The following NRG1 variants were observed in gnomAD, a reference collection of about 807,000 sequenced individuals.
The protein encoded by NRG1 is pro-neuregulin-1, membrane-bound isoform.
A neutral mutation model predicts 63.8 loss-of-function variants in NRG1; 18 were observed. The observed-to-expected ratio is 0.28, with a 90% CI of 0.19 to 0.42. The LOEUF (loss-of-function observed/expected upper bound fraction) is 0.42. Ranked by LOEUF, NRG1 falls within the 10% of genes least tolerant of loss-of-function variation. NRG1 has a pLI of 1.00. For synonymous variants in NRG1, 302 were observed against 301.3 expected (o/e 1.00, Z -0.02); for missense variants, 762 against 814.7 (o/e 0.94, Z 0.79).
intron 1 of NRG1, among the ~76,000 whole-genome samples, chr8:32,530,504 ATTAAG>A (rs1397118869): frequency 2.6e-5 from 4 of 152,172 alleles, no homozygotes; most frequent in African/African-American, 7.2e-5. Context: ...CCAATAATAA[ATTAAG>A]TTGTTTGATT....
At chr8:32,761,763 G>T (rs1830711807) in intron 11 of NRG1, among the ~76,000 whole-genome samples, 2 of 151,856 alleles carry the variant, frequency 1.3e-5, no homozygotes, top group African/African-American at 4.8e-5. Flanking sequence ...ATGACAGGCT[G>T]GGCACGGTGG....
intron 1 of NRG1, among the ~76,000 whole-genome samples, chr8:32,579,711 G>C (rs1840307227): frequency 6.6e-6 from 1 of 152,088 alleles, no homozygotes; most frequent in South Asian, 2.1e-4. Context: ...ATTTCTCCTT[G>C]GGAACTGTAT....
At chr8:32,202,865 G>C (rs533595097) in intron 1 of NRG1, among the ~76,000 whole-genome samples, 1 of 151,280 alleles carries the variant, frequency 6.6e-6, no homozygotes, top group African/African-American at 2.4e-5. Context: ...GCACACGATA[G>C]GGGGTTGCAG....
chr8:31,882,256 T>G lies in NRG1; in HGVS notation c.37+242825T>G, dbSNP rs1203008471. Among the ~76,000 whole-genome samples the G allele has an allele frequency of 2.1e-5, 3 of 146,098 alleles. No individual in the cohort carries two copies. The East Asian group carries it at 6.0e-4, about 29-fold the overall frequency. On this transcript the variant is annotated intron_variant, in intron 1 of 10. Transcript: ENST00000519301. ...TATAAATAGAACAACTAAGCCTGGA[T>G]GCCAGCACATCTGTTTATAGCATGA...
At chr8:32,273,980 A>C (rs1851817660) in intron 1 of NRG1, among the ~76,000 whole-genome samples, 1 of 152,202 alleles carries the variant, frequency 6.6e-6, no homozygotes. Flanking sequence ...AAAACTGAGG[A>C]GTTAATGTCT....
At chr8:32,733,174 AAC>A (rs1824167174) in intron 6 of NRG1, among the ~76,000 whole-genome samples, 1 of 152,192 alleles carries the variant, frequency 6.6e-6, no homozygotes, top group African/African-American at 2.4e-5. Context: ...TGGGACCACC[AAC>A]TATCTTTATA....
intron 5 of NRG1, among the ~76,000 whole-genome samples, chr8:32,715,193 C>T (rs1000776247): frequency 1.3e-5 from 2 of 152,052 alleles, no homozygotes; most frequent in Non-Finnish European, 2.9e-5. Flanking sequence ...GTGCTCTTGC[C>T]ATCCACCCGC....
intron 1 of NRG1, among the ~76,000 whole-genome samples, chr8:31,902,651 A>C (rs757217677): frequency 2.2e-4 from 34 of 152,204 alleles, no homozygotes; most frequent in Non-Finnish European, 3.7e-4. Flanking sequence ...TATATTTCTT[A>C]AGTACTTTAG....
At chr8:31,992,287 T>C (rs1026410215) in intron 1 of NRG1, among the ~76,000 whole-genome samples, 1 of 151,978 alleles carries the variant, frequency 6.6e-6, no homozygotes, top group Non-Finnish European at 1.5e-5. Flanking sequence ...GAAAAGGGGG[T>C]ACCAAAAAAC....
At chr8:32,612,001 A>C (rs751023976) in intron 3 of NRG1, among the ~76,000 whole-genome samples, 27 of 152,080 alleles carry the variant, frequency 1.8e-4, no homozygotes, top group Non-Finnish European at 2.9e-4. Flanking sequence ...ATTAAGAAAG[A>C]ATTCAAACAT....
intron 1 of NRG1, among the ~76,000 whole-genome samples, chr8:31,748,906 C>G (rs1816167380): frequency 6.6e-6 from 1 of 151,806 alleles, no homozygotes; most frequent in Non-Finnish European, 1.5e-5. Flanking sequence ...AATTTCTCCT[C>G]TCAGATTCTA....
intron 1 of NRG1, among the ~76,000 whole-genome samples, chr8:32,083,390 A>C (rs918355415): frequency 6.6e-6 from 1 of 152,192 alleles, no homozygotes; most frequent in Non-Finnish European, 1.5e-5. Flanking sequence ...AAAGAGTTAG[A>C]GATTGTGTAT....
At chr8:31,643,247 G>A (rs1357447689) in intron 1 of NRG1, among the ~76,000 whole-genome samples, 4 of 152,332 alleles carry the variant, frequency 2.6e-5, no homozygotes, top group African/African-American at 7.2e-5. Flanking sequence ...CCCTGGGGGC[G>A]TGATGGTTGT....
intron 1 of NRG1, among the ~76,000 whole-genome samples, chr8:32,178,297 G>A (rs1234888911): frequency 6.6e-6 from 1 of 152,036 alleles, no homozygotes; most frequent in Non-Finnish European, 1.5e-5. Flanking sequence ...GACAACTTAG[G>A]TAAAGGGCAG....
In NRG1 at chr8:32,040,912, G is replaced by T. The variant is rs114082548; in HGVS notation, c.37+401481G>T. On this transcript the variant is annotated intron_variant, in intron 1 of 10. Coordinates refer to the NRG1 transcript ENST00000519301. The stretch of plus-strand genomic sequence containing the variant: ...ATTTAGGAAATACTCAGTGATAGAA[G>T]ATGAATGCAAAAAAAATTGATTAAA... Among the ~76,000 whole-genome samples the T allele has an allele frequency of 6.0e-3, 904 of 150,744 alleles. 16 individuals are homozygous for T. The highest frequency in any genetic ancestry group is 0.021 in the African/African-American group (857 of 41,182).
chr8:32,667,838 T>TA (rs1423511404), intron 5 of NRG1, among the ~76,000 whole-genome samples: 3 of 152,162 alleles, frequency 2.0e-5, no homozygotes, highest in Non-Finnish European at 4.4e-5. Context: ...GAATTATTTA[T>TA]AAAAAGGATC....
intron 1 of NRG1, among the ~76,000 whole-genome samples, chr8:31,806,243 T>C (rs1822273438): frequency 6.6e-6 from 1 of 152,232 alleles, no homozygotes; most frequent in African/African-American, 2.4e-5. Flanking sequence ...TAAGTGTATT[T>C]GTTGCTTAAT....
chr8:32,336,453 G>A (rs900650471), intron 1 of NRG1, among the ~76,000 whole-genome samples: 3 of 151,866 alleles, frequency 2.0e-5, no homozygotes, highest in Admixed American at 1.3e-4. Flanking sequence ...CAGGCAGAGA[G>A]AATCAAAAAT....
chr8:32,013,640 C>A (rs1425231849), intron 1 of NRG1, among the ~76,000 whole-genome samples: 1 of 151,964 alleles, frequency 6.6e-6, no homozygotes, highest in Non-Finnish European at 1.5e-5. Context: ...CAGGAGAGAA[C>A]CTACACCAGG....
Sources: gnomAD v4.1 joint callset for allele counts (sites outside exome capture counted in the v4.1 genomes callset) on GRCh38, gnomAD v4.1.1 for gene constraint, MANE v1.5 for transcripts, NCBI Gene and HGNC (gene_info 2026-07-23, HGNC 2026-07-21) for gene names.